The following LRRC4C variants were observed in gnomAD, a reference collection of about 807,000 sequenced individuals.
LRRC4C encodes the protein leucine rich repeat containing 4C.
In LRRC4C, 5 loss-of-function variants were observed where a neutral mutation model predicts 33.6. That is an observed-to-expected ratio of 0.15 (90% CI 0.08 to 0.31). The LOEUF is 0.31. Among genes scored for constraint, LRRC4C ranks in the 10% least tolerant of loss-of-function variants. The pLI is 1.00. For missense variants in LRRC4C, 560 were observed against 796.7 expected, an observed-to-expected ratio of 0.70 and a Z score of 3.58; for synonymous variants, 329 against 302.0, an observed-to-expected ratio of 1.09 and a Z score of -0.93.
chr11:41,351,498 T>G (rs980040345), intron 1 of LRRC4C, among the ~76,000 whole-genome samples: 6 of 152,188 alleles, frequency 3.9e-5, no homozygotes, highest in Non-Finnish European at 7.4e-5. Context: ...AAAGAACCCC[T>G]GTGTGGTAGT....
At chr11:41,194,052 A>T (rs1418218261) in intron 1 of LRRC4C, among the ~76,000 whole-genome samples, 2 of 151,958 alleles carry the variant, frequency 1.3e-5, no homozygotes, top group Non-Finnish European at 2.9e-5. Flanking sequence ...CAGCCTACTC[A>T]TCATGAAGAC....
At chr11:40,391,978 C>A (rs773849172) in intron 3 of LRRC4C, among the ~76,000 whole-genome samples, 2 of 152,078 alleles carry the variant, frequency 1.3e-5, no homozygotes, top group African/African-American at 2.4e-5. Flanking sequence ...AAGAAATGAG[C>A]TATCAATCCA....
chr11:40,847,086 G>A (rs764596859), intron 2 of LRRC4C, among the ~76,000 whole-genome samples: 23 of 151,828 alleles, frequency 1.5e-4, no homozygotes, highest in Non-Finnish European at 3.1e-4. Context: ...ATACAATCCT[G>A]TAATCTGCAA....
intron 1 of LRRC4C, among the ~76,000 whole-genome samples, chr11:41,155,979 G>C (rs1421342426): frequency 6.6e-6 from 1 of 152,086 alleles, no homozygotes; most frequent in Non-Finnish European, 1.5e-5. Flanking sequence ...ACTGAGAAAA[G>C]CAAGGTTCTG....
chr11:41,193,058 G>A (rs954052146), intron 1 of LRRC4C, among the ~76,000 whole-genome samples: 3 of 152,108 alleles, frequency 2.0e-5, no homozygotes, highest in African/African-American at 7.2e-5. Context: ...AATGCAGTCA[G>A]GCTTATGATG....
intron 3 of LRRC4C, among the ~76,000 whole-genome samples, chr11:40,373,839 C>T (rs1229052228): frequency 6.6e-6 from 1 of 152,138 alleles, no homozygotes; most frequent in African/African-American, 2.4e-5. Context: ...GTTAAAGCTC[C>T]CCCAGTCCTC....
intron 1 of LRRC4C, among the ~76,000 whole-genome samples, chr11:41,324,780 CAGAA>C (rs1951058268): frequency 6.6e-6 from 1 of 152,280 alleles, no homozygotes; most frequent in East Asian, 1.9e-4. Flanking sequence ...AGATTTCACT[CAGAA>C]GGAAGTAAGC....
intron 1 of LRRC4C, among the ~76,000 whole-genome samples, chr11:41,285,098 G>A (rs574493615): frequency 6.6e-6 from 1 of 152,240 alleles, no homozygotes; most frequent in South Asian, 2.1e-4. Context: ...GATCTGTTTG[G>A]TAAAGATTGT....
intron 2 of LRRC4C, among the ~76,000 whole-genome samples, chr11:40,914,837 C>G (rs1266088181): frequency 6.6e-6 from 1 of 152,150 alleles, no homozygotes; most frequent in Non-Finnish European, 1.5e-5. Flanking sequence ...AGCTGATAGG[C>G]AACTTCAGCA....
chr11:41,004,991 C>CATCATTATT (rs374955565), intron 1 of LRRC4C, among the ~76,000 whole-genome samples: 1,254 of 104,866 alleles, frequency 0.012, 26 homozygotes, highest in African/African-American at 0.044. Context: ...TTATAACTTT[C>CATCATTATT]ATTATTATTA....
At chr11:40,283,727 G>A (rs1315936605) in intron 4 of LRRC4C, among the ~76,000 whole-genome samples, 1 of 113,572 alleles carries the variant, frequency 8.8e-6, no homozygotes, top group Non-Finnish European at 1.7e-5. Flanking sequence ...TTTTTGAGAC[G>A]GAGTTTCACT....
intron 5 of LRRC4C, among the ~76,000 whole-genome samples, chr11:40,152,501 C>T (rs1018937213): frequency 6.6e-6 from 1 of 152,162 alleles, no homozygotes; most frequent in African/African-American, 2.4e-5. Flanking sequence ...AGGGGAAGAA[C>T]TAAAGCCATT....
chr11:41,162,256 T>C (rs1349750928), intron 1 of LRRC4C, among the ~76,000 whole-genome samples: 1 of 152,168 alleles, frequency 6.6e-6, no homozygotes, highest in Non-Finnish European at 1.5e-5. Context: ...GACTAAGCTA[T>C]GTCACCCATC....
chr11:40,598,828 CAGA>C (rs548533400), intron 3 of LRRC4C, among the ~76,000 whole-genome samples: 20 of 152,094 alleles, frequency 1.3e-4, no homozygotes, highest in Non-Finnish European at 2.5e-4. Context: ...GAGGAAAACA[CAGA>C]AGGTGCTCTC....
chr11:40,555,515 C>T (rs996283612), intron 3 of LRRC4C, among the ~76,000 whole-genome samples: 2 of 152,166 alleles, frequency 1.3e-5, no homozygotes, highest in Non-Finnish European at 2.9e-5. Context: ...CTTGCTCTCA[C>T]TCAGATGCAG....
chr11:40,156,974 A>G (rs996177454), intron 5 of LRRC4C, among the ~76,000 whole-genome samples: 1 of 152,200 alleles, frequency 6.6e-6, no homozygotes, highest in Admixed American at 6.6e-5. Flanking sequence ...CTAAGCAAAA[A>G]GAACAAATCT....
intron 1 of LRRC4C, among the ~76,000 whole-genome samples, chr11:40,992,901 G>A (rs1408988445): frequency 6.6e-6 from 1 of 152,028 alleles, no homozygotes; most frequent in Non-Finnish European, 1.5e-5. Flanking sequence ...GTACAGACAA[G>A]AACTTTAGAT....
At chr11:40,774,095 A>T (rs1255015809) in intron 2 of LRRC4C, among the ~76,000 whole-genome samples, 2 of 152,152 alleles carry the variant, frequency 1.3e-5, no homozygotes, top group African/African-American at 4.8e-5. Flanking sequence ...TTCTATAAAT[A>T]GAATCACAGA....
intron 1 of LRRC4C, among the ~76,000 whole-genome samples, chr11:41,389,865 C>A (rs1953520708): frequency 6.6e-6 from 1 of 151,686 alleles, no homozygotes; most frequent in Non-Finnish European, 1.5e-5. Flanking sequence ...TAATCCTGGA[C>A]ATGAATATTT....
Sources: allele counts gnomAD v4.1 joint callset (sites outside exome capture counted in the v4.1 genomes callset), GRCh38; gene constraint gnomAD v4.1.1; transcripts MANE v1.5; gene names NCBI Gene and HGNC (gene_info 2026-07-23, HGNC 2026-07-21).